NTN1: variants seen among roughly 807,000 people sequenced by gnomAD.
The protein encoded by NTN1 is netrin 1.
In NTN1, 11 loss-of-function variants were observed where a neutral mutation model predicts 54.2. The ratio of observed to expected loss-of-function variants is 0.20; its 90% CI spans 0.13 to 0.34. NTN1 has a LOEUF of 0.34. NTN1 is among the 10% of genes least tolerant of loss of function. The pLI, the probability that NTN1 is intolerant of heterozygous loss-of-function variation, is 1.00. For synonymous variants in NTN1, 371 were observed against 382.0 expected, an observed-to-expected ratio of 0.97 and a Z score of 0.33; for missense variants, 740 against 893.1, an observed-to-expected ratio of 0.83 and a Z score of 2.18.
the NTN1 span, among the ~76,000 whole-genome samples, chr17:9,006,617 C>A: frequency 6.6e-6 from 1 of 152,180 alleles, no homozygotes; most frequent in African/African-American, 2.4e-5. Context: ...CAACATGAAT[C>A]TTCTTTATGT....
At chr17:9,086,602 T>C (rs1024191984) in intron 2 of NTN1, among the ~76,000 whole-genome samples, 1 of 152,174 alleles carries the variant, frequency 6.6e-6, no homozygotes, top group African/African-American at 2.4e-5. Flanking sequence ...GAACGCTTCC[T>C]GGAGGAAATG....
chr17:9,092,347 C>T (rs1311557438), intron 2 of NTN1, among the ~76,000 whole-genome samples: 7 of 105,476 alleles, frequency 6.6e-5, no homozygotes, highest in Non-Finnish European at 1.1e-4. Context: ...TTTTTTGAGA[C>T]GGGGTCTCAC....
chr17:9,221,378 G>C lies in NTN1; in HGVS notation c.1486+136G>C, dbSNP rs1905348832. ...GTGACCGATGGGAACTAGCCGGACG[G>C]ATCCCACGCCTGGGAATTTCTCATC... is the stretch of plus-strand genomic sequence containing the variant. On this transcript the variant is annotated intron_variant, in intron 6 of 6. Coordinates refer to ENST00000173229, the MANE Select transcript of NTN1 (RefSeq NM_004822.3). This position sits in a 1 kb window ranked among gnomAD's most constrained non-coding sequence, Gnocchi z 4.5. 1.4e-6 allele frequency: 1 copy of C among 704,456 alleles called. No homozygotes were observed. Among genetic ancestry groups the C allele is most frequent in the African/African-American group, 1.8e-5 (1 of 56,800 alleles). The allele number at this position is 704,456 out of a possible 1,614,324, so 43.6% of individuals were successfully genotyped here.
rs1178621553 is a variant in NTN1, at chr17:9,212,178, G to T, written c.1412-8990G>T. ...GCTAGAGATCTGCCTGTGGGCCCCA[G>T]CTCTCCCTGACAGGTGGCTCTACCC... On this transcript the variant is annotated intron_variant, in intron 5 of 6. Coordinates refer to ENST00000173229, the MANE Select transcript of NTN1 (RefSeq NM_004822.3). The surrounding 1 kb of genome is among the most constrained non-coding windows in gnomAD (Gnocchi z 5.5). Among the ~76,000 whole-genome samples the T allele has an allele frequency of 3.3e-5, 5 of 152,194 alleles. No homozygotes were observed. The highest frequency in any genetic ancestry group is 4.8e-5 in the African/African-American group (2 of 41,450).
Position 9,239,297 on chromosome 17 carries a change from C to G in NTN1, c.1487-343C>G, listed in dbSNP as rs1399835769. Among the ~76,000 whole-genome samples the G allele has an allele frequency of 2.6e-5, 4 of 152,174 alleles. No homozygotes were observed. Among genetic ancestry groups the G allele is most frequent in the Admixed American group, 6.5e-5 (1 of 15,276 alleles). The stretch of plus-strand genomic sequence containing the variant: ...TCTCCCCGCCAGCACTGCTCTCACC[C>G]GAGCGCCTGCCCTGGGCAGACAGCT... On this transcript the variant is annotated intron_variant, in intron 6 of 6. Coordinates refer to ENST00000173229, the MANE Select transcript of NTN1 (RefSeq NM_004822.3). This position sits in a 1 kb window ranked among gnomAD's most constrained non-coding sequence, Gnocchi z 5.2.
At chr17:9,231,319 G>A (rs889803641) in intron 6 of NTN1, among the ~76,000 whole-genome samples, 1 of 151,832 alleles carries the variant, frequency 6.6e-6, no homozygotes. Flanking sequence ...AGCCTCCCAA[G>A]TAGTCTACAG....
chr17:9,129,525 T>A (rs939408338), intron 2 of NTN1, among the ~76,000 whole-genome samples: 4 of 152,158 alleles, frequency 2.6e-5, no homozygotes, highest in Non-Finnish European at 5.9e-5. Flanking sequence ...TTTCATCCCA[T>A]CAAAAGTTCT....
intron 2 of NTN1, among the ~76,000 whole-genome samples, chr17:9,138,040 C>T (rs1192185530): frequency 1.3e-5 from 2 of 152,222 alleles, no homozygotes; most frequent in African/African-American, 2.4e-5. Context: ...GCCCAGCCTT[C>T]CCTGTCCCAC....
chr17:9,134,120 G>A (rs1296402720), intron 2 of NTN1, among the ~76,000 whole-genome samples: 1 of 151,642 alleles, frequency 6.6e-6, no homozygotes, highest in Non-Finnish European at 1.5e-5. Context: ...TGGCCGGCTG[G>A]TCTTGAACTC....
At chr17:9,223,279 T>C (rs757350700) in intron 6 of NTN1, among the ~76,000 whole-genome samples, 1 of 152,162 alleles carries the variant, frequency 6.6e-6, no homozygotes, top group Non-Finnish European at 1.5e-5. Flanking sequence ...GGGCTGGGTG[T>C]GGTGGCTCAC....
rs2092277952 is a variant in NTN1 at position 9,135,484 on chromosome 17, T to C, written c.1019-27329T>C. On this transcript the variant is annotated intron_variant, in intron 2 of 6. Transcript: ENST00000173229. The surrounding 1 kb of genome is among the most constrained non-coding windows in gnomAD (Gnocchi z 4.4). Reference sequence around the variant, plus strand: ...TTCCCAGCAATAGTTCATTCGCCACTGTCGGGGTCAACCACTTAGTCCTCT... The same window carrying C: ...TTCCCAGCAATAGTTCATTCGCCACCGTCGGGGTCAACCACTTAGTCCTCT... Among the ~76,000 whole-genome samples, 3 of 152,234 alleles carry C rather than the reference T, an allele frequency of 2.0e-5. No individual in the cohort carries two copies. Among genetic ancestry groups the C allele is most frequent in the African/African-American group, 7.2e-5 (3 of 41,456 alleles).
At chr17:9,172,263 C>T (rs554751021) in intron 3 of NTN1, among the ~76,000 whole-genome samples, 33 of 152,038 alleles carry the variant, frequency 2.2e-4, no homozygotes, top group African/African-American at 7.2e-4. Context: ...TTTGGGAGGC[C>T]GAGGAGGGCA....
At position 9,243,386 on chromosome 17, in the gene NTN1, A is replaced by C. The variant is rs1057315995; in HGVS notation, c.*3418A>C. On this transcript the variant is annotated 3_prime_UTR_variant, in exon 7 of 7. Coordinates refer to ENST00000173229, the MANE Select transcript of NTN1 (RefSeq NM_004822.3). ...GGACTTACTTTCTTGGAGTTGTCCCAGGTTGGAATGAGACTGAACTCAAGA... is the reference window on the plus strand; with the variant it reads ...GGACTTACTTTCTTGGAGTTGTCCCCGGTTGGAATGAGACTGAACTCAAGA... 6.6e-6 allele frequency: 1 copy of C among 152,060 alleles called. No individual in the cohort carries two copies. Among genetic ancestry groups the C allele is most frequent in the African/African-American group, 2.4e-5 (1 of 41,390 alleles). 9.4% of individuals were successfully genotyped at this position (152,060 alleles called of 1,614,324 possible). A position where few individuals can be genotyped will look rare whatever the true frequency, so the allele number is the denominator to read the frequency against.
intron 2 of NTN1, among the ~76,000 whole-genome samples, chr17:9,059,931 T>C (rs904307947): frequency 2.6e-5 from 4 of 151,694 alleles, no homozygotes; most frequent in African/African-American, 7.3e-5. Flanking sequence ...TTCGGAGCAC[T>C]GGGGCCCAGG....
At chr17:9,064,052 G>T (rs796417094) in intron 2 of NTN1, among the ~76,000 whole-genome samples, 9 of 152,206 alleles carry the variant, frequency 5.9e-5, no homozygotes, top group African/African-American at 2.2e-4. Context: ...TCAAGGTCTG[G>T]TGGGTAGTTG....
rs1168301557 is a variant in NTN1, at chr17:9,169,431, G to A, written c.1207+6430G>A. Among the ~76,000 whole-genome samples the A allele has an allele frequency of 2.0e-5, 3 of 152,312 alleles. No individual in the cohort carries two copies. In the East Asian group the frequency reaches 5.8e-4, roughly 29 times the overall value. ...GATCTTGTGACTCGACCCATGTGGC[G>A]CACTGTGCCAAACGGGGTCTCCCTG... On this transcript the variant is annotated intron_variant, in intron 3 of 6. Transcript: ENST00000173229.
Position 9,026,937 on chromosome 17 carries a change from C to T in NTN1, c.1018+3546C>T, listed in dbSNP as rs1027123922. 2.0e-5 allele frequency among the ~76,000 whole-genome samples: 3 copies of T among 146,856 alleles called. 1 individual carries two copies. Among genetic ancestry groups the T allele is most frequent in the African/African-American group, 5.1e-5 (2 of 38,896 alleles). ...CCACACAAAAGGTGTCTCTGCAAGA[C>T]GAGCACCGTGCTGGGTTGGCCTCTT... On this transcript the variant is annotated intron_variant, in intron 2 of 6. Transcript: ENST00000173229.
intron 5 of NTN1, among the ~76,000 whole-genome samples, chr17:9,207,132 C>T (rs375558945): frequency 4.6e-5 from 7 of 152,156 alleles, no homozygotes; most frequent in African/African-American, 1.4e-4. Flanking sequence ...GTGTCCCGGG[C>T]CCTGGGGATA....
At chr17:9,200,584 T>C (rs1017982179) in intron 5 of NTN1, among the ~76,000 whole-genome samples, 1 of 152,264 alleles carries the variant, frequency 6.6e-6, no homozygotes, top group Non-Finnish European at 1.5e-5. Flanking sequence ...GGGGGATTTC[T>C]TGTTCAGCCA....
Sources: allele counts gnomAD v4.1 joint callset (sites outside exome capture counted in the v4.1 genomes callset), GRCh38; gene constraint gnomAD v4.1.1; non-coding constraint Gnocchi (gnomAD v3.1); transcripts MANE v1.5; gene names NCBI Gene and HGNC (gene_info 2026-07-23, HGNC 2026-07-21).